VAV2: variants seen among roughly 807,000 people sequenced by gnomAD.
The protein encoded by VAV2 is guanine nucleotide exchange factor VAV2.
In VAV2, 67 loss-of-function variants were observed where a neutral mutation model predicts 132.5. That is an observed-to-expected ratio of 0.51 (90% CI 0.42 to 0.62). The LOEUF (loss-of-function observed/expected upper bound fraction) is 0.62, where lower values mean the gene tolerates loss of function less well. Ranked by LOEUF, VAV2 falls within the 20% of genes least tolerant of loss-of-function variation. The probability of loss-of-function intolerance (pLI) is 0.00; values close to 1 mark genes in which losing one functional copy is unlikely to be tolerated. For missense variants in VAV2, 938 were observed against 1,153.6 expected (o/e 0.81, Z 2.71); for synonymous variants, 492 against 443.5 (o/e 1.11, Z -1.37).
chr9:133,807,637 G>A (rs568054042), intron 7 of VAV2, among the ~76,000 whole-genome samples: 13 of 152,336 alleles, frequency 8.5e-5, no homozygotes, highest in East Asian at 5.8e-4. Context: ...TGTGGCTTGC[G>A]GTGAGGGGCT....
At chr9:133,896,643 C>T (rs534008451) in intron 2 of VAV2, among the ~76,000 whole-genome samples, 1 of 152,222 alleles carries the variant, frequency 6.6e-6, no homozygotes, top group African/African-American at 2.4e-5. Context: ...TCATTGGATC[C>T]GAGCGCCACT....
Position 133,834,209 on chromosome 9 carries a change from C to T in VAV2, c.449+63G>A. ...CCATGTTTCCTCCTGACTCCCTGGACACCACCAGGAACCTCCCTGCCCCTC... is the reference window on the plus strand; with the variant it reads ...CCATGTTTCCTCCTGACTCCCTGGATACCACCAGGAACCTCCCTGCCCCTC... On this transcript the variant is annotated intron_variant, in intron 4 of 29. Transcript: ENST00000371850. This position sits in a 1 kb window ranked among gnomAD's most constrained non-coding sequence, Gnocchi z 5.9. The T allele has an allele frequency of 1.9e-6, 3 of 1,543,288 alleles. No homozygotes were observed. Among genetic ancestry groups the T allele is most frequent in the Non-Finnish European group, 8.8e-7 (1 of 1,137,090 alleles).
chr9:133,807,940 G>A (rs1356394409), intron 7 of VAV2, among the ~76,000 whole-genome samples: 1 of 152,194 alleles, frequency 6.6e-6, no homozygotes, highest in Non-Finnish European at 1.5e-5. Context: ...AGTGGCTCCT[G>A]GTCAGGGCAG....
chr9:133,900,020 C>CA lies in VAV2; in HGVS notation c.322-38589dup, dbSNP rs754344670. ...TGGGCGACAGAGCAAGACTCCATCT[C>CA]AAAAAAAATAAATAAATAAATAAAT... is the stretch of plus-strand genomic sequence containing the variant. On this transcript the variant is annotated intron_variant, in intron 2 of 29. Transcript: ENST00000371850. Among the ~76,000 whole-genome samples, 200 of 120,228 alleles carry CA rather than the reference C, an allele frequency of 1.7e-3. 3 individuals carry two copies. The highest frequency in any genetic ancestry group is 2.4e-3 in the Non-Finnish European group (130 of 54,996). 78.9% of individuals were successfully genotyped at this position (120,228 alleles called of 152,430 possible). A position where few individuals can be genotyped will look rare whatever the true frequency, so the allele number is the denominator to read the frequency against.
intron 8 of VAV2, among the ~76,000 whole-genome samples, chr9:133,806,533 C>T (rs1835153995): frequency 1.3e-5 from 2 of 152,306 alleles, no homozygotes; most frequent in Admixed American, 6.5e-5. Context: ...ATCCCCACCC[C>T]GGGACCCCCA....
At chr9:133,843,408 T>C (rs1167664749) in intron 3 of VAV2, among the ~76,000 whole-genome samples, 2 of 152,192 alleles carry the variant, frequency 1.3e-5, no homozygotes, top group Admixed American at 1.3e-4. Context: ...GGTCTTGCTA[T>C]ACTGTCCAGG....
intron 1 of VAV2, among the ~76,000 whole-genome samples, chr9:133,980,211 G>A (rs946096712): frequency 6.6e-6 from 1 of 152,214 alleles, no homozygotes; most frequent in African/African-American, 2.4e-5. Context: ...TTTTGCCGGT[G>A]GAGGGGGGAA....
intron 1 of VAV2, among the ~76,000 whole-genome samples, chr9:133,952,469 G>A (rs1841592694): frequency 1.3e-5 from 2 of 152,056 alleles, no homozygotes; most frequent in African/African-American, 4.8e-5. Context: ...CAGGCATGGT[G>A]GCACGCACCT....
chr9:133,980,927 T>C (rs1842672395), intron 1 of VAV2, among the ~76,000 whole-genome samples: 2 of 150,302 alleles, frequency 1.3e-5, no homozygotes, highest in South Asian at 4.1e-4. Flanking sequence ...AAAAGCCATC[T>C]ACTTTTCAGG....
At chr9:133,966,491 A>C (rs537470800) in intron 1 of VAV2, among the ~76,000 whole-genome samples, 3 of 152,250 alleles carry the variant, frequency 2.0e-5, no homozygotes, top group Non-Finnish European at 2.9e-5. Flanking sequence ...AGATGGCTTG[A>C]GGCCAGGAGT....
intron 1 of VAV2, among the ~76,000 whole-genome samples, chr9:133,945,164 C>T (rs530945563): frequency 6.6e-6 from 1 of 152,328 alleles, no homozygotes; most frequent in South Asian, 2.1e-4. Flanking sequence ...GATGGTTTGA[C>T]CCCCAAGGCC....
intron 3 of VAV2, among the ~76,000 whole-genome samples, chr9:133,837,462 C>T (rs140618032): frequency 0.018 from 2,711 of 152,116 alleles, 67 homozygotes; most frequent in African/African-American, 0.062. Flanking sequence ...TTGGGAGGCC[C>T]GAGGCGGGCG....
At chr9:133,842,128 C>T (rs1373437539) in intron 3 of VAV2, among the ~76,000 whole-genome samples, 1 of 152,218 alleles carries the variant, frequency 6.6e-6, no homozygotes, top group East Asian at 1.9e-4. Context: ...CTTGGCTCAT[C>T]CAGCCATCAT....
chr9:133,878,112 T>C (rs980791721), intron 2 of VAV2, among the ~76,000 whole-genome samples: 1 of 152,182 alleles, frequency 6.6e-6, no homozygotes, highest in Non-Finnish European at 1.5e-5. Flanking sequence ...GAAGTCTCTT[T>C]GCCAGTCTCA....
chr9:133,827,169 C>T (rs1836025203), intron 4 of VAV2, among the ~76,000 whole-genome samples: 1 of 150,982 alleles, frequency 6.6e-6, no homozygotes, highest in African/African-American at 2.5e-5. Flanking sequence ...AATGTGCCAC[C>T]TACCGCTGCG....
intron 9 of VAV2, among the ~76,000 whole-genome samples, chr9:133,799,152 C>G (rs1161361725): frequency 6.6e-6 from 1 of 152,236 alleles, no homozygotes; most frequent in Non-Finnish European, 1.5e-5. Context: ...CCAAGTGGCT[C>G]TGCCACATGG....
At chr9:133,889,009 G>A (rs746970654) in intron 2 of VAV2, among the ~76,000 whole-genome samples, 5 of 152,248 alleles carry the variant, frequency 3.3e-5, no homozygotes, top group Non-Finnish European at 5.9e-5. Context: ...CCGCGTCCCC[G>A]TCCCTGGGGA....
intron 29 of VAV2, among the ~76,000 whole-genome samples, chr9:133,766,541 C>A (rs1833437484): frequency 6.6e-6 from 1 of 151,780 alleles, no homozygotes; most frequent in African/African-American, 2.4e-5. Context: ...CCAAACACCG[C>A]ATGTTCTCTC....
intron 21 of VAV2, 102 bp from the exon 22 acceptor site, chr9:133,778,991 C>T: frequency 6.8e-7 from 1 of 1,479,148 alleles, no homozygotes; most frequent in Non-Finnish European, 9.2e-7. Context: ...CGGCCTCCCC[C>T]AGCACACACA....
Sources: gnomAD v4.1 joint callset for allele counts (sites outside exome capture counted in the v4.1 genomes callset) on GRCh38, gnomAD v4.1.1 for gene constraint, Gnocchi (gnomAD v3.1) non-coding constraint, MANE v1.5 for transcripts, NCBI Gene and HGNC (gene_info 2026-07-23, HGNC 2026-07-21) for gene names.